The following LRRC37A2 variants were observed in gnomAD, a reference collection of about 807,000 sequenced individuals.
LRRC37A2 encodes leucine rich repeat containing 37 member A2.
LRRC37A2 carries 9 observed loss-of-function variants against 68.8 expected under a neutral mutation model. That is an observed-to-expected ratio of 0.13 (90% CI 0.08 to 0.23). The LOEUF is 0.23. Ranked by LOEUF, LRRC37A2 falls within the 10% of genes least tolerant of loss-of-function variation. The probability of loss-of-function intolerance (pLI) is 1.00; values close to 1 mark genes in which losing one functional copy is unlikely to be tolerated. For missense variants in LRRC37A2, 168 were observed against 950.4 expected (o/e 0.18, Z 10.82); for synonymous variants, 63 against 367.6 (o/e 0.17, Z 9.48).
At chr17:46,970,762 C>G in the LRRC37A2 span, among the ~76,000 whole-genome samples, 1 of 152,250 alleles carries the variant, frequency 6.6e-6, no homozygotes, top group East Asian at 1.9e-4. Flanking sequence ...AAAAGAGAAC[C>G]AGGTACAAGC....
chr17:46,976,121 T>C, the LRRC37A2 span, among the ~76,000 whole-genome samples: 1 of 145,902 alleles, frequency 6.9e-6, no homozygotes, highest in Non-Finnish European at 1.5e-5. Flanking sequence ...AGAGACCGGG[T>C]TTCACTGTGT....
At chr17:46,987,818 T>A in the LRRC37A2 span, among the ~76,000 whole-genome samples, 1 of 152,260 alleles carries the variant, frequency 6.6e-6, no homozygotes, top group African/African-American at 2.4e-5. Flanking sequence ...TATGTGTGCA[T>A]GCTATAAACC....
the LRRC37A2 span, among the ~76,000 whole-genome samples, chr17:46,975,840 A>G: frequency 6.6e-6 from 1 of 152,138 alleles, no homozygotes; most frequent in Non-Finnish European, 1.5e-5. Context: ...CAAATTCAGA[A>G]CAGTTAACTT....
At chr17:46,807,267 G>C in the LRRC37A2 span, among the ~76,000 whole-genome samples, 2 of 152,364 alleles carry the variant, frequency 1.3e-5, no homozygotes, top group South Asian at 4.1e-4. Flanking sequence ...TGGATCACTT[G>C]ATGTCAGGAG....
At chr17:46,548,726 C>T in exon 10 of LRRC37A2, 1 of 1,610,026 alleles carries the variant, frequency 6.2e-7, no homozygotes, top group Non-Finnish European at 8.5e-7. Flanking sequence ...GCCCAGGCAT[C>T]TGTGGAGAAC....
chr17:46,847,068 A>T, the LRRC37A2 span, among the ~76,000 whole-genome samples: 1 of 152,232 alleles, frequency 6.6e-6, no homozygotes, highest in African/African-American at 2.4e-5. Context: ...TATAAATGTC[A>T]AACATTCTTG....
the LRRC37A2 span, among the ~76,000 whole-genome samples, chr17:46,707,443 T>G: frequency 2.6e-5 from 4 of 152,206 alleles, no homozygotes; most frequent in Admixed American, 6.5e-5. Context: ...GTATTAAGTA[T>G]ATTCATAATG....
the LRRC37A2 span, among the ~76,000 whole-genome samples, chr17:47,024,496 G>A: frequency 2.0e-5 from 3 of 151,942 alleles, no homozygotes; most frequent in Admixed American, 6.6e-5. Flanking sequence ...TGTGTTTGTG[G>A]TGGTGGTGGA....
chr17:46,843,351 G>C, the LRRC37A2 span, among the ~76,000 whole-genome samples: 3 of 152,126 alleles, frequency 2.0e-5, no homozygotes, highest in Admixed American at 2.0e-4. Flanking sequence ...ATGACAACCA[G>C]TGGGAAAACT....
At chr17:46,789,682 G>A in the LRRC37A2 span, among the ~76,000 whole-genome samples, 1 of 152,198 alleles carries the variant, frequency 6.6e-6, no homozygotes, top group Admixed American at 6.5e-5. Flanking sequence ...TGAACCCAGG[G>A]CCTTGCCAGC....
chr17:47,008,118 T>C, the LRRC37A2 span, among the ~76,000 whole-genome samples: 1 of 151,640 alleles, frequency 6.6e-6, no homozygotes, highest in Admixed American at 6.6e-5. Context: ...TTAATTTTTT[T>C]TTTTTTTTTT....
the LRRC37A2 span, among the ~76,000 whole-genome samples, chr17:46,943,111 G>A: frequency 6.6e-6 from 1 of 152,294 alleles, no homozygotes; most frequent in African/African-American, 2.4e-5. Flanking sequence ...GTAGGGAGCC[G>A]ATGGCTCTAA....
the LRRC37A2 span, among the ~76,000 whole-genome samples, chr17:47,024,033 T>C: frequency 1.3e-5 from 2 of 152,294 alleles, no homozygotes; most frequent in Admixed American, 6.5e-5. Flanking sequence ...TGTAACGATG[T>C]TTACATGGGT....
At chr17:46,993,073 A>ATTT in the LRRC37A2 span, among the ~76,000 whole-genome samples, 1 of 149,410 alleles carries the variant, frequency 6.7e-6, no homozygotes. Flanking sequence ...AGAGATTTTG[A>ATTT]TTTTTTTTTT....
chr17:46,905,185 G>A, the LRRC37A2 span, among the ~76,000 whole-genome samples: 3 of 151,718 alleles, frequency 2.0e-5, no homozygotes, highest in Admixed American at 2.0e-4. Context: ...GATTCTCCCT[G>A]CCTCAGCCTC....
the LRRC37A2 span, among the ~76,000 whole-genome samples, chr17:46,861,220 G>T: frequency 6.6e-6 from 1 of 152,226 alleles, no homozygotes. Flanking sequence ...GTTGTCCTGT[G>T]TGTCTCAAAC....
At chr17:47,037,767 GAA>G in the LRRC37A2 span, among the ~76,000 whole-genome samples, 1 of 152,144 alleles carries the variant, frequency 6.6e-6, no homozygotes, top group Non-Finnish European at 1.5e-5. Flanking sequence ...TTTCTTAGTG[GAA>G]AGTTTTTTGA....
rs368129131 is a variant in LRRC37A2 at position 46,548,970 on chromosome 17, C to T, written c.3831C>T (p.His1277=). 120 of 1,612,380 alleles carry T rather than the reference C, an allele frequency of 7.4e-5. 10 individuals are homozygous for T. In the African/African-American group the frequency reaches 1.1e-3, roughly 15 times the overall value. Residue 1277 remains histidine (H), a synonymous_variant, in exon 10 of 15, where the codon CAC becomes CAT. Transcript: ENST00000576629. ...GAGACAGATGGAAAGACTTAACCCA[C>T]GCTATTTCCATTTTAGAAAGTGCAA...
chr17:46,753,906 C>T, the LRRC37A2 span, among the ~76,000 whole-genome samples: 2 of 152,146 alleles, frequency 1.3e-5, no homozygotes, highest in African/African-American at 4.8e-5. Context: ...GAATATAAGT[C>T]GTGGTACCTC....
Sources: gnomAD v4.1 joint callset for allele counts (sites outside exome capture counted in the v4.1 genomes callset) on GRCh38, gnomAD v4.1.1 for gene constraint, MANE v1.5 for transcripts, NCBI Gene and HGNC (gene_info 2026-07-23, HGNC 2026-07-21) for gene names.